The following TDRD7 variants were observed in gnomAD, a reference collection of about 807,000 sequenced individuals.
TDRD7 encodes the protein tudor domain containing 7.
A neutral mutation model predicts 109.8 loss-of-function variants in TDRD7; 47 were observed. The ratio of observed to expected loss-of-function variants is 0.43; its 90% CI spans 0.34 to 0.55. The LOEUF (loss-of-function observed/expected upper bound fraction) is 0.55. Among genes scored for constraint, TDRD7 ranks in the 20% least tolerant of loss-of-function variants. The pLI is 0.03. For missense variants in TDRD7, 1,164 were observed against 1,319.2 expected (o/e 0.88, Z 1.82); for synonymous variants, 424 against 457.3 (o/e 0.93, Z 0.93).
chr9:97,453,341 A>G (rs939929396), intron 6 of TDRD7, among the ~76,000 whole-genome samples: 5 of 151,874 alleles, frequency 3.3e-5, no homozygotes, highest in Admixed American at 6.6e-5. Flanking sequence ...TGTATACACA[A>G]TGGTGGTCCC....
intron 6 of TDRD7, among the ~76,000 whole-genome samples, chr9:97,448,067 G>C (rs574730277): frequency 6.6e-6 from 1 of 152,332 alleles, no homozygotes; most frequent in Non-Finnish European, 1.5e-5. Flanking sequence ...TCTCTAAGTA[G>C]ATGGTTTGTC....
chr9:97,472,306 A>G lies in TDRD7; in HGVS notation c.1755A>G (p.Leu585=), dbSNP rs780289533. Residue 585 remains leucine (L), a synonymous_variant, in exon 10 of 17, where the codon CTA becomes CTG. Transcript: ENST00000355295. ...AATATTTTTCAGGCTTGGAAGTCCT[A>G]AGCGATGACCCTGATCTAGTGAAGG... ...TKCKLAGLEV[L]SDDPDLVKVV... 2.5e-6 allele frequency: 4 copies of G among 1,613,850 alleles called. No individual in the cohort carries two copies. Among genetic ancestry groups the G allele is most frequent in the Non-Finnish European group, 2.5e-6 (3 of 1,179,778 alleles).
At chr9:97,422,714 ATAT>A (rs1239507079) in intron 1 of TDRD7, among the ~76,000 whole-genome samples, 1 of 148,206 alleles carries the variant, frequency 6.7e-6, no homozygotes, top group East Asian at 2.1e-4. Flanking sequence ...TTTTATTCTA[ATAT>A]TCTGAGAGTT....
At position 97,472,411 on chromosome 9, in the gene TDRD7, C is replaced by T. The variant is rs755226908; in HGVS notation, c.1860C>T (p.Tyr620=). ...CTGACATTCCACTTGTTGTTCTGTA[C>T]GATACCTCAGGAGAAGATGATATCA... ...DKADIPLVVL[Y]DTSGEDDINI... The change falls in exon 10 of 17, where the codon TAC becomes TAT. Residue 620 remains tyrosine (Y), a synonymous_variant. Transcript: ENST00000355295. 1.9e-5 allele frequency: 31 copies of T among 1,613,674 alleles called. No homozygotes were observed. The highest frequency in any genetic ancestry group is 2.4e-5 in the Non-Finnish European group (28 of 1,179,836).
chr9:97,441,007 AAATG>A (rs1828293765), intron 5 of TDRD7, among the ~76,000 whole-genome samples: 2 of 152,204 alleles, frequency 1.3e-5, no homozygotes, highest in African/African-American at 4.8e-5. Flanking sequence ...TATGAAAGAT[AAATG>A]ATTGATATTG....
chr9:97,433,855 G>A (rs557822637), intron 4 of TDRD7, among the ~76,000 whole-genome samples: 2 of 151,944 alleles, frequency 1.3e-5, no homozygotes, highest in East Asian at 3.9e-4. Context: ...CTATCAAAAC[G>A]CAGAAAATAA....
chr9:97,491,566 G>A (rs891027863), intron 16 of TDRD7, among the ~76,000 whole-genome samples: 28 of 152,194 alleles, frequency 1.8e-4, no homozygotes, highest in African/African-American at 6.8e-4. Flanking sequence ...GGGATGTTAT[G>A]TAGTCCTATG....
At position 97,464,842 on chromosome 9, in the gene TDRD7, G is replaced by A. The variant is rs767955971; in HGVS notation, c.1443G>A (p.Arg481=). ...ELSNTNEVVI[R]YVGKDYSAAQ... ...CATTCTCTTCTTTTAACTGATTCAG[G>A]TATGTGGGCAAAGACTATTCTGCTG... Residue 481 remains arginine, a splice_region_variant and synonymous_variant, in exon 8 of 17, where the codon AGG becomes AGA. Transcript: ENST00000355295. 3 of 1,614,074 alleles carry A rather than the reference G, an allele frequency of 1.9e-6. No homozygotes were observed. Among genetic ancestry groups the A allele is most frequent in the Non-Finnish European group, 2.5e-6 (3 of 1,179,984 alleles).
chr9:97,424,795 A>G (rs1251318020), intron 1 of TDRD7, among the ~76,000 whole-genome samples: 1 of 152,118 alleles, frequency 6.6e-6, no homozygotes, highest in African/African-American at 2.4e-5. Flanking sequence ...AATTATTGAT[A>G]TGATTGGCTT....
intron 6 of TDRD7, among the ~76,000 whole-genome samples, chr9:97,450,450 CA>C (rs1412919703): frequency 1.3e-5 from 2 of 152,140 alleles, no homozygotes; most frequent in African/African-American, 4.8e-5. Flanking sequence ...AAGTGGTTAG[CA>C]GTTGATTATC....
At position 97,440,830 on chromosome 9, in the gene TDRD7, G is replaced by A. The variant is rs150114648; in HGVS notation, c.638-828G>A. On this transcript the variant is annotated intron_variant, in intron 5 of 16. Transcript: ENST00000355295. Reference sequence around the variant, plus strand: ...CAGATCTGTATCTCAGTGAAATTTCGTAGAGATTTGGAATAAATTTCATAG... The same window carrying A: ...CAGATCTGTATCTCAGTGAAATTTCATAGAGATTTGGAATAAATTTCATAG... 1.9e-3 allele frequency among the ~76,000 whole-genome samples: 295 copies of A among 152,196 alleles called. 3 individuals carry two copies. The highest frequency in any genetic ancestry group is 6.7e-3 in the African/African-American group (278 of 41,510).
chr9:97,443,363 A>G (rs1828345536), intron 6 of TDRD7, among the ~76,000 whole-genome samples: 1 of 152,216 alleles, frequency 6.6e-6, no homozygotes, highest in African/African-American at 2.4e-5. Flanking sequence ...AAGGAATGTT[A>G]AACTCTGGAA....
intron 1 of TDRD7, among the ~76,000 whole-genome samples, chr9:97,420,144 G>A (rs1215678013): frequency 1.3e-5 from 2 of 152,002 alleles, no homozygotes; most frequent in Admixed American, 1.3e-4. Context: ...CATTTGAATT[G>A]ATAAACAAAT....
In TDRD7 at chr9:97,440,045, C is replaced by CT. The variant is rs577045725; in HGVS notation, c.637+737dup. ...GTGTGATTCTTACTTAGTTGAAATG[C>CT]TTTTTTTTTTATAAGAACACATCTC... On this transcript the variant is annotated intron_variant, in intron 5 of 16. Coordinates refer to ENST00000355295, the MANE Select transcript of TDRD7 (RefSeq NM_014290.3). 6.8e-4 allele frequency among the ~76,000 whole-genome samples: 101 copies of CT among 148,030 alleles called. 1 individual carries two copies. Among genetic ancestry groups the CT allele is most frequent in the Middle Eastern group, 3.5e-3 (1 of 286 alleles).
At chr9:97,479,822 A>G (rs1042012864) in intron 13 of TDRD7, among the ~76,000 whole-genome samples, 2 of 152,176 alleles carry the variant, frequency 1.3e-5, no homozygotes, top group African/African-American at 4.8e-5. Context: ...TCCTACTTCT[A>G]GCTTCTCTCT....
At chr9:97,465,831 T>C (rs1269431443) in intron 8 of TDRD7, among the ~76,000 whole-genome samples, 1 of 152,194 alleles carries the variant, frequency 6.6e-6, no homozygotes, top group Non-Finnish European at 1.5e-5. Context: ...AGAAAGTCTT[T>C]TCTTTCTCGA....
rs762727393 is a variant in TDRD7, at chr9:97,431,061, A to G, written c.336A>G (p.Pro112=). 1.2e-6 allele frequency: 2 copies of G among 1,613,786 alleles called. No individual in the cohort carries two copies. The highest frequency in any genetic ancestry group is 1.7e-5 in the Admixed American group (1 of 59,986). ...NCQMRVKKTM[P]FFLEGKPKAT... ...AGATGAGAGTGAAGAAAACCATGCCATTTTTTCTAGAAGGTAGGAGCTTTT... is the reference window on the plus strand; with the variant it reads ...AGATGAGAGTGAAGAAAACCATGCCGTTTTTTCTAGAAGGTAGGAGCTTTT... Residue 112 remains proline, a synonymous_variant, in exon 3 of 17, where the codon CCA becomes CCG. Coordinates refer to ENST00000355295, the MANE Select transcript of TDRD7 (RefSeq NM_014290.3).
intron 1 of TDRD7, among the ~76,000 whole-genome samples, chr9:97,418,803 A>T (rs1353870985): frequency 6.6e-6 from 1 of 152,162 alleles, no homozygotes; most frequent in Non-Finnish European, 1.5e-5. Flanking sequence ...CATTAGTAAA[A>T]TGCATTTATC....
rs368109768 is a variant in TDRD7 at position 97,429,347 on chromosome 9, A to G, written c.207+675A>G. On this transcript the variant is annotated intron_variant, in intron 2 of 16. Coordinates refer to ENST00000355295, the MANE Select transcript of TDRD7 (RefSeq NM_014290.3). ...ACTTCTTGGTACCTACCCATTGTAC[A>G]GCATAATAGATATGGACAGACCACC... is the stretch of plus-strand genomic sequence containing the variant. 2.3e-4 allele frequency among the ~76,000 whole-genome samples: 35 copies of G among 152,352 alleles called. 1 individual carries two copies. The South Asian group carries it at 3.7e-3, about 16-fold the overall frequency.
Sources: allele counts gnomAD v4.1 joint callset (sites outside exome capture counted in the v4.1 genomes callset), GRCh38; gene constraint gnomAD v4.1.1; transcripts MANE v1.5; gene names NCBI Gene and HGNC (gene_info 2026-07-23, HGNC 2026-07-21).